Variants in F5 observed in about 807,000 individuals in gnomAD.
F5 encodes coagulation factor V.
F5 carries 138 observed loss-of-function variants against 216.4 expected under a neutral mutation model. That is an observed-to-expected ratio of 0.64 (90% CI 0.56 to 0.73). F5 has a LOEUF of 0.73. F5 is among the 30% of genes least tolerant of loss of function. F5 has a pLI of 0.00. For synonymous variants in F5, 916 were observed against 930.7 expected (o/e 0.98, Z 0.29); for missense variants, 2,403 against 2,674.0 (o/e 0.90, Z 2.24).
At position 169,556,755 on chromosome 1, in the gene F5, A is replaced by G. The variant is rs763771492; in HGVS notation, c.843T>C (p.His281=). The change falls in exon 6 of 25, where the codon CAT becomes CAC. Residue 281 remains histidine, a synonymous_variant. Transcript: ENST00000367797. The stretch of plus-strand genomic sequence containing the variant: ...TGACAAGGGTGATGGCTGAGACCTT[A>G]TGATGGTTCTGCTCCAGGACCTGGC... ...FNGQVLEQNH[H]KVSAITLVSA... is the part of the protein sequence containing the mutation. The G allele has an allele frequency of 6.2e-7, 1 of 1,614,130 alleles. No homozygotes were observed. The highest frequency in any genetic ancestry group is 1.1e-5 in the South Asian group (1 of 91,088).
chr1:169,538,342 A>G (rs184723566), intron 13 of F5, among the ~76,000 whole-genome samples: 1 of 152,314 alleles, frequency 6.6e-6, no homozygotes, highest in East Asian at 1.9e-4. Context: ...GAGGTGGAGC[A>G]TTGAGAAAAT....
At chr1:169,535,477 G>A (rs183068630) in intron 14 of F5, among the ~76,000 whole-genome samples, 3 of 152,242 alleles carry the variant, frequency 2.0e-5, no homozygotes, top group Admixed American at 2.0e-4. Context: ...GGATTTTAGT[G>A]TACCTGTCAC....
chr1:169,545,575 G>T (rs1045215404), intron 11 of F5, among the ~76,000 whole-genome samples: 2 of 152,156 alleles, frequency 1.3e-5, no homozygotes, highest in Admixed American at 1.3e-4. Flanking sequence ...GACAGCACTG[G>T]TCTAGAACTA....
chr1:169,579,159 C>T (rs1297793077), intron 2 of F5, among the ~76,000 whole-genome samples: 3 of 151,842 alleles, frequency 2.0e-5, no homozygotes, highest in Non-Finnish European at 4.4e-5. Flanking sequence ...CTCCTCAACA[C>T]CCTGCCATCT....
At chr1:169,565,107 C>T (rs531160306) in intron 3 of F5, among the ~76,000 whole-genome samples, 2 of 152,036 alleles carry the variant, frequency 1.3e-5, no homozygotes, top group Admixed American at 6.6e-5. Context: ...ATGCCATTCC[C>T]TCTGCCTAGA....
At position 169,530,941 on chromosome 1, in the gene F5, T is replaced by C. The variant is rs1474897263; in HGVS notation, c.5053A>G (p.Thr1685Ala). The C allele has an allele frequency of 6.2e-7, 1 of 1,613,898 alleles. No individual in the cohort carries two copies. Among genetic ancestry groups the C allele is most frequent in the Non-Finnish European group, 8.5e-7 (1 of 1,179,832 alleles). Residue 1685 changes from threonine to alanine, a missense_variant, in exon 15 of 25, where the codon ACT becomes GCT. Transcript: ENST00000367797. Reference sequence around the variant, plus strand: ...CATTCAGGAGAGTCATCTTCATAAGTCTTTCCCTCTGATGATTTTTCATAG... The same window carrying C: ...CATTCAGGAGAGTCATCTTCATAAGCCTTTCCCTCTGATGATTTTTCATAG... Reference protein sequence around the residue: ...LSYEKSSEGKTYEDDSPEWFK... With the variant: ...LSYEKSSEGKAYEDDSPEWFK...
chr1:169,520,495 A>T (rs1183797210), intron 22 of F5, 25 bp downstream of exon 22: 2 of 1,613,656 alleles, frequency 1.2e-6, no homozygotes, highest in Admixed American at 3.3e-5. Flanking sequence ...TGGCAGTGAG[A>T]AAATAATGCA....
Position 169,541,411 on chromosome 1 carries a change from C to T in F5, c.3679G>A (p.Gly1227Ser), listed in dbSNP as rs549903844. The T allele has an allele frequency of 4.8e-5, 77 of 1,611,572 alleles. No individual in the cohort carries two copies. The highest frequency in any genetic ancestry group is 1.6e-4 in the Middle Eastern group (1 of 6,072). ...LIQRNLSPAL[G>S]QMPISPDLSH... Reference sequence around the variant, plus strand: ...AGGTCTGGAGAAATGGGCATCTGACCGAGGGCTGGGGAAAGGTTTCTCTGA... The same window carrying T: ...AGGTCTGGAGAAATGGGCATCTGACTGAGGGCTGGGGAAAGGTTTCTCTGA... Residue 1227 changes from glycine to serine, a missense_variant, in exon 13 of 25, where the codon GGT becomes AGT. Physicochemically the swap from Gly to Ser is moderately conservative, Grantham distance 56 (BLOSUM62 0). This residue lies in a region of F5 where 1,425 missense variants were observed against 1,554.8 expected (regional missense o/e 0.92). Coordinates refer to ENST00000367797, the MANE Select transcript of F5 (RefSeq NM_000130.5).
chr1:169,566,508 C>G (rs1437264069), intron 3 of F5, among the ~76,000 whole-genome samples: 1 of 151,964 alleles, frequency 6.6e-6, no homozygotes, highest in African/African-American at 2.4e-5. Flanking sequence ...TTTTTGACAG[C>G]ACTCATCGCC....
At chr1:169,518,368 C>T in intron 23 of F5, 44 bp downstream of exon 23, 1 of 1,612,332 alleles carries the variant, frequency 6.2e-7, no homozygotes, top group Non-Finnish European at 8.5e-7. Flanking sequence ...CCTTTGCTTT[C>T]TTCTGGAGCC....
chr1:169,543,549 T>C (rs1047905134), intron 12 of F5, among the ~76,000 whole-genome samples: 10 of 152,304 alleles, frequency 6.6e-5, no homozygotes, highest in Non-Finnish European at 1.5e-4. Context: ...ACAGCACATC[T>C]TGTCTTAGAA....
At chr1:169,520,250 C>T (rs1004743481) in intron 22 of F5, among the ~76,000 whole-genome samples, 6 of 152,058 alleles carry the variant, frequency 3.9e-5, no homozygotes, top group Non-Finnish European at 8.8e-5. Context: ...GGAGGTAATT[C>T]CAAATTAGAG....
At chr1:169,520,930 G>A (rs974858503) in intron 21 of F5, among the ~76,000 whole-genome samples, 1 of 152,128 alleles carries the variant, frequency 6.6e-6, no homozygotes, top group Non-Finnish European at 1.5e-5. Context: ...GAGCTCAGAA[G>A]ACAGACTGGC....
At chr1:169,544,973 G>A (rs1571577769) in intron 11 of F5, among the ~76,000 whole-genome samples, 2 of 152,250 alleles carry the variant, frequency 1.3e-5, no homozygotes, top group East Asian at 3.9e-4. Context: ...AGTATTCACA[G>A]TTTCCATTTG....
At chr1:169,547,873 A>G (rs963512821) in intron 10 of F5, among the ~76,000 whole-genome samples, 20 of 152,356 alleles carry the variant, frequency 1.3e-4, no homozygotes, top group African/African-American at 4.8e-4. Flanking sequence ...TCATTCTGTT[A>G]TAAAGACACA....
chr1:169,549,975 T>A lies in F5; in HGVS notation c.1437A>T (p.Glu479Asp), dbSNP rs1660122333. ...NTMIRAVQPG[E>D]TYTYKWNILE... The stretch of plus-strand genomic sequence containing the variant: ...AGATGTTCCACTTATAAGTATAGGT[T>A]TCCCCTGGTTGAACTGCTCTGATCA... The change falls in exon 10 of 25, where the codon GAA (glutamate) becomes GAT (aspartate). Residue 479 changes from glutamate to aspartate, a missense_variant. Glu to Asp is a conservative substitution (Grantham distance 45). Around this residue, in one of 4 missense-constraint regions of F5, gnomAD observed 1,425 missense variants for 1,554.8 expected, o/e 0.92. Transcript: ENST00000367797. 6.2e-7 allele frequency: 1 copy of A among 1,614,068 alleles called. No individual in the cohort carries two copies. The highest frequency in any genetic ancestry group is 2.2e-5 in the East Asian group (1 of 44,894).
At chr1:169,576,097 TC>T (rs1460224732) in intron 2 of F5, among the ~76,000 whole-genome samples, 1 of 152,010 alleles carries the variant, frequency 6.6e-6, no homozygotes, top group Non-Finnish European at 1.5e-5. Flanking sequence ...GAAACAATTC[TC>T]CCCCAGAGCC....
At chr1:169,525,022 A>G in intron 18 of F5, 114 bp from the exon 19 acceptor site, 1 of 832,048 alleles carries the variant, frequency 1.2e-6, no homozygotes, top group Non-Finnish European at 1.9e-6. Flanking sequence ...ATTTTTACCT[A>G]CCTTGTGTGG....
intron 8 of F5, among the ~76,000 whole-genome samples, chr1:169,551,339 A>G (rs1325102674): frequency 6.6e-6 from 1 of 152,196 alleles, no homozygotes; most frequent in African/African-American, 2.4e-5. Context: ...AGTCCCAGCT[A>G]CTTGAGAGGC....
Sources: gnomAD v4.1 joint callset for allele counts (sites outside exome capture counted in the v4.1 genomes callset) on GRCh38, gnomAD v4.1.1 for gene constraint, gnomAD v4.1.1 regional missense constraint, MANE v1.5 for transcripts, NCBI Gene and HGNC (gene_info 2026-07-23, HGNC 2026-07-21) for gene names.